RNF13: variants seen among roughly 807,000 people sequenced by gnomAD.
The protein encoded by RNF13 is ring finger protein 13, also known as E3 ubiquitin-protein ligase RNF13.
Under a neutral mutation model 37.7 loss-of-function variants are expected in RNF13, and 19 were observed. The observed-to-expected ratio is 0.50, with a 90% CI of 0.35 to 0.74. The LOEUF (loss-of-function observed/expected upper bound fraction) is 0.74. RNF13 is among the 30% of genes least tolerant of loss of function. The pLI, the probability that RNF13 is intolerant of heterozygous loss-of-function variation, is 0.01. For synonymous variants in RNF13, 144 were observed against 157.8 expected (o/e 0.91, Z 0.65); for missense variants, 375 against 453.0 (o/e 0.83, Z 1.56).
At chr3:149,927,586 C>G (rs1718773782) in intron 8 of RNF13, among the ~76,000 whole-genome samples, 1 of 152,198 alleles carries the variant, frequency 6.6e-6, no homozygotes, top group Non-Finnish European at 1.5e-5. Context: ...AGCAGCAATG[C>G]TCAAGGGTTC....
At position 149,960,936 on chromosome 3, in the gene RNF13, A is replaced by G. The variant is rs368523244; in HGVS notation, c.978A>G (p.Leu326=). Residue 326 remains leucine, a synonymous_variant, in exon 10 of 10, where the codon TTA becomes TTG. Coordinates refer to ENST00000392894, the MANE Select transcript of RNF13 (RefSeq NM_183381.3). ...TCAGTGCCCAGTCATTTGGGGCTTT[A>G]TCGGAATCCCGCTCACATCAGAACA... The part of the protein sequence containing the change: ...ASVSAQSFGA[L]SESRSHQNMT... 3.1e-6 allele frequency: 5 copies of G among 1,614,100 alleles called. No individual in the cohort carries two copies. The African/African-American group carries it at 5.3e-5, about 17-fold the overall frequency.
intron 2 of RNF13, 102 bp downstream of exon 2, chr3:149,846,242 T>G: frequency 1.4e-6 from 1 of 715,408 alleles, no homozygotes. Flanking sequence ...AAGACATTTT[T>G]ATCTAAAAAC....
At chr3:149,887,710 C>T (rs905955300) in intron 4 of RNF13, among the ~76,000 whole-genome samples, 2 of 152,200 alleles carry the variant, frequency 1.3e-5, no homozygotes, top group Admixed American at 1.3e-4. Flanking sequence ...CACACTCTCT[C>T]TTCTCTCCTC....
intron 8 of RNF13, among the ~76,000 whole-genome samples, chr3:149,926,129 T>G (rs1718620211): frequency 6.6e-6 from 1 of 152,226 alleles, no homozygotes; most frequent in Non-Finnish European, 1.5e-5. Context: ...TCAATAATTC[T>G]TGTGTTTTAA....
chr3:149,902,308 C>T (rs758557697), intron 6 of RNF13, 146 bp downstream of exon 6: 102 of 443,270 alleles, frequency 2.3e-4, no homozygotes, highest in South Asian at 2.5e-4. Context: ...GCTTTTAAGA[C>T]GTAGTATTTT....
intron 3 of RNF13, among the ~76,000 whole-genome samples, chr3:149,857,765 T>A (rs936003596): frequency 1.3e-5 from 2 of 152,228 alleles, no homozygotes; most frequent in Admixed American, 6.5e-5. Context: ...GAATTATTAT[T>A]GTATAATGTA....
intron 8 of RNF13, among the ~76,000 whole-genome samples, chr3:149,928,002 AC>A (rs1311211650): frequency 2.2e-5 from 3 of 138,064 alleles, no homozygotes; most frequent in Admixed American, 7.4e-5. Flanking sequence ...ATAAGCAAAA[AC>A]CTTTTTTTTT....
At chr3:149,813,552 C>T (rs1476915672) in intron 1 of RNF13, among the ~76,000 whole-genome samples, 199 bp downstream of exon 1, 6 of 152,232 alleles carry the variant, frequency 3.9e-5, no homozygotes, top group African/African-American at 4.8e-5. Flanking sequence ...GACCGAGTCT[C>T]CCCTGCACTC....
intron 3 of RNF13, among the ~76,000 whole-genome samples, chr3:149,855,162 T>C (rs1022916363): frequency 6.6e-6 from 1 of 151,932 alleles, no homozygotes. Flanking sequence ...TACCAAAAAA[T>C]ATAAAAAGTA....
chr3:149,928,601 G>A (rs879569257), intron 8 of RNF13, among the ~76,000 whole-genome samples: 1 of 152,146 alleles, frequency 6.6e-6, no homozygotes, highest in Non-Finnish European at 1.5e-5. Context: ...ACTGAGAATT[G>A]TGAGTCTTCC....
At chr3:149,932,160 T>C (rs946033727) in intron 8 of RNF13, among the ~76,000 whole-genome samples, 2 of 152,208 alleles carry the variant, frequency 1.3e-5, no homozygotes, top group Non-Finnish European at 2.9e-5. Flanking sequence ...TGCAGATATC[T>C]CTTCAATATA....
intron 3 of RNF13, among the ~76,000 whole-genome samples, chr3:149,866,596 A>G (rs1162508679): frequency 2.0e-5 from 3 of 152,184 alleles, no homozygotes; most frequent in Non-Finnish European, 4.4e-5. Context: ...AGTGCAGCCT[A>G]GTAGGTCTCA....
At chr3:149,874,679 A>G (rs1015107104) in intron 4 of RNF13, among the ~76,000 whole-genome samples, 5 of 152,132 alleles carry the variant, frequency 3.3e-5, no homozygotes, top group Non-Finnish European at 7.4e-5. Flanking sequence ...CTGATGTAAA[A>G]TTTCTGACTT....
At chr3:149,877,963 A>C (rs1272277111) in intron 4 of RNF13, among the ~76,000 whole-genome samples, 3 of 152,164 alleles carry the variant, frequency 2.0e-5, no homozygotes, top group African/African-American at 4.8e-5. Flanking sequence ...TTTATACACA[A>C]ATTTATTCAA....
At chr3:149,855,758 T>C (rs1304295978) in intron 3 of RNF13, among the ~76,000 whole-genome samples, 1 of 152,104 alleles carries the variant, frequency 6.6e-6, no homozygotes, top group Non-Finnish European at 1.5e-5. Context: ...TTGCAAAGGC[T>C]GTGCTAATTT....
chr3:149,817,097 A>G (rs1014482844), intron 1 of RNF13: 2 of 152,192 alleles, frequency 1.3e-5, no homozygotes, highest in African/African-American at 4.8e-5. Context: ...ACGTTTGGAA[A>G]TGTAGAATGA....
chr3:149,815,930 T>G (rs558321293), intron 1 of RNF13, among the ~76,000 whole-genome samples: 1 of 152,058 alleles, frequency 6.6e-6, no homozygotes, highest in South Asian at 2.1e-4. Flanking sequence ...TGGGACAGGG[T>G]CTTGCTCTGT....
chr3:149,892,097 G>T (rs1714770930), intron 4 of RNF13, among the ~76,000 whole-genome samples: 1 of 152,054 alleles, frequency 6.6e-6, no homozygotes, highest in Admixed American at 6.6e-5. Flanking sequence ...CTACATTTTT[G>T]AAAACATGCA....
chr3:149,864,119 A>G (rs1266258081), intron 3 of RNF13, among the ~76,000 whole-genome samples: 1 of 140,156 alleles, frequency 7.1e-6, no homozygotes, highest in Non-Finnish European at 1.5e-5. Context: ...TTGAAATCTG[A>G]TCCCTAGTGT....
Sources: gnomAD v4.1 joint callset for allele counts (sites outside exome capture counted in the v4.1 genomes callset) on GRCh38, gnomAD v4.1.1 for gene constraint, MANE v1.5 for transcripts, NCBI Gene and HGNC (gene_info 2026-07-23, HGNC 2026-07-21) for gene names.